EPHB2: variants seen among roughly 807,000 people sequenced by gnomAD.
EPHB2 encodes the protein ephrin type-B receptor 2.
In EPHB2, 18 loss-of-function variants were observed where a neutral mutation model predicts 96.4. That is an observed-to-expected ratio of 0.19 (90% CI 0.13 to 0.28). The LOEUF is 0.28. EPHB2 is among the 10% of genes least tolerant of loss of function. EPHB2 has a pLI of 1.00. For missense variants in EPHB2, 989 were observed against 1,355.4 expected (o/e 0.73, Z 4.25); for synonymous variants, 506 against 534.1 (o/e 0.95, Z 0.72).
intron 1 of EPHB2, among the ~76,000 whole-genome samples, chr1:22,722,258 A>C (rs1643484621): frequency 6.6e-6 from 1 of 152,032 alleles, no homozygotes; most frequent in Non-Finnish European, 1.5e-5. Flanking sequence ...CAGCTTCCCA[A>C]ATTGTTGGGA....
intron 3 of EPHB2, among the ~76,000 whole-genome samples, chr1:22,785,718 C>G (rs1455285072): frequency 1.3e-5 from 2 of 152,244 alleles, no homozygotes; most frequent in African/African-American, 4.8e-5. Context: ...CCTCTGTGCA[C>G]ATTTCACGGG....
chr1:22,870,696 C>T (rs1445321881), intron 5 of EPHB2, among the ~76,000 whole-genome samples: 2 of 152,194 alleles, frequency 1.3e-5, no homozygotes, highest in South Asian at 4.1e-4. Context: ...CCGGACACAG[C>T]CTAAGCCCTT....
At chr1:22,798,792 T>C (rs1644802556) in intron 3 of EPHB2, among the ~76,000 whole-genome samples, 1 of 151,980 alleles carries the variant, frequency 6.6e-6, no homozygotes. Context: ...ACAACAGGTT[T>C]GAAGGTTTGA....
intron 5 of EPHB2, among the ~76,000 whole-genome samples, chr1:22,879,128 A>T (rs1638943889): frequency 6.6e-6 from 1 of 152,100 alleles, no homozygotes; most frequent in Admixed American, 6.5e-5. Context: ...GGTGGGAGGC[A>T]TCTCTCCCAG....
At chr1:22,782,018 C>T (rs751699640) in intron 2 of EPHB2, among the ~76,000 whole-genome samples, 2 of 152,118 alleles carry the variant, frequency 1.3e-5, no homozygotes, top group Non-Finnish European at 2.9e-5. Flanking sequence ...CCCCATAACA[C>T]AAAGCTCCCC....
chr1:22,730,153 C>A (rs1643674876), intron 1 of EPHB2, among the ~76,000 whole-genome samples: 1 of 152,240 alleles, frequency 6.6e-6, no homozygotes, highest in African/African-American at 2.4e-5. Flanking sequence ...TGCACAGCCC[C>A]CTGGGAGGAA....
At chr1:22,787,719 G>A (rs1210852598) in intron 3 of EPHB2, among the ~76,000 whole-genome samples, 1 of 152,174 alleles carries the variant, frequency 6.6e-6, no homozygotes, top group East Asian at 1.9e-4. Flanking sequence ...CTCCAGCCTG[G>A]GTGACAGAGC....
At chr1:22,861,061 A>G (rs1376484928) in intron 3 of EPHB2, among the ~76,000 whole-genome samples, 5 of 152,244 alleles carry the variant, frequency 3.3e-5, no homozygotes, top group African/African-American at 9.6e-5. Flanking sequence ...AAGGTCTCTC[A>G]GCAAATTGCT....
rs920336518 is a variant in EPHB2, at chr1:22,875,638, CCCTT to C, written c.1304-6713_1304-6710del. ...CTTCCTCCTTCCTTCCTCACTTTCT[CCCTT>C]CCTTCCTCCTTCCTGTCTTCGTTTC... On this transcript the variant is annotated intron_variant, in intron 5 of 15. Coordinates refer to ENST00000374630, the MANE Select transcript of EPHB2 (RefSeq NM_017449.5). The surrounding 1 kb of genome is among the most constrained non-coding windows in gnomAD (Gnocchi z 4.2). Among the ~76,000 whole-genome samples the C allele has an allele frequency of 1.8e-4, 28 of 152,282 alleles. No individual in the cohort carries two copies. Among genetic ancestry groups the C allele is most frequent in the African/African-American group, 6.5e-4 (27 of 41,554 alleles).
intron 3 of EPHB2, among the ~76,000 whole-genome samples, chr1:22,816,774 A>G (rs116251436): frequency 0.016 from 2,505 of 152,174 alleles, 63 homozygotes; most frequent in African/African-American, 0.057. Flanking sequence ...TAGGCAGGAG[A>G]TGTATAAAGT....
At chr1:22,879,021 G>A (rs1394135951) in intron 5 of EPHB2, among the ~76,000 whole-genome samples, 6 of 152,242 alleles carry the variant, frequency 3.9e-5, no homozygotes, top group South Asian at 2.1e-4. Context: ...CTGCTTGGCC[G>A]GCCCTCTGGG....
chr1:22,754,925 T>G (rs933468167), intron 1 of EPHB2, among the ~76,000 whole-genome samples: 33 of 139,374 alleles, frequency 2.4e-4, no homozygotes, highest in African/African-American at 4.4e-4. Flanking sequence ...GCAGGGGAGG[T>G]GAGGTGAGGG....
intron 1 of EPHB2, among the ~76,000 whole-genome samples, chr1:22,773,559 T>TA (rs1377363575): frequency 6.6e-6 from 1 of 152,240 alleles, no homozygotes; most frequent in African/African-American, 2.4e-5. Flanking sequence ...TCTGTTCATC[T>TA]TCAGCTTCAA....
chr1:22,744,777 G>A (rs150865644), intron 1 of EPHB2, among the ~76,000 whole-genome samples: 5 of 151,572 alleles, frequency 3.3e-5, no homozygotes, highest in African/African-American at 9.7e-5. Flanking sequence ...GATCGCTTGA[G>A]GCCAGTTCAA....
At chr1:22,757,092 T>C (rs762563353) in intron 1 of EPHB2, among the ~76,000 whole-genome samples, 5 of 152,112 alleles carry the variant, frequency 3.3e-5, no homozygotes, top group Non-Finnish European at 7.4e-5. Flanking sequence ...CTTACAAACT[T>C]TTTTAAAAAC....
intron 3 of EPHB2, among the ~76,000 whole-genome samples, chr1:22,804,521 C>T (rs1281247059): frequency 6.6e-6 from 1 of 152,172 alleles, no homozygotes; most frequent in Non-Finnish European, 1.5e-5. Context: ...CCCACTCACA[C>T]TTGGAAGTGC....
At chr1:22,881,546 C>T (rs1408705077) in intron 5 of EPHB2, among the ~76,000 whole-genome samples, 1 of 152,018 alleles carries the variant, frequency 6.6e-6, no homozygotes, top group African/African-American at 2.4e-5. Flanking sequence ...AACAGAGTCT[C>T]AAAAAATAAC....
intron 3 of EPHB2, among the ~76,000 whole-genome samples, chr1:22,830,650 C>T (rs915960799): frequency 2.6e-5 from 4 of 152,242 alleles, no homozygotes; most frequent in East Asian, 1.9e-4. Context: ...CTCCACCTCC[C>T]GGGTGCAAGT....
chr1:22,731,905 C>G (rs1315209965), intron 1 of EPHB2, among the ~76,000 whole-genome samples: 1 of 152,150 alleles, frequency 6.6e-6, no homozygotes, highest in African/African-American at 2.4e-5. Flanking sequence ...AAGCCAGGGC[C>G]GGAATGCTTT....
Sources: gnomAD v4.1 joint callset for allele counts (sites outside exome capture counted in the v4.1 genomes callset) on GRCh38, gnomAD v4.1.1 for gene constraint, Gnocchi (gnomAD v3.1) non-coding constraint, MANE v1.5 for transcripts, NCBI Gene and HGNC (gene_info 2026-07-23, HGNC 2026-07-21) for gene names.